Variants in ANKHD1 observed in about 807,000 individuals in gnomAD.
The protein encoded by ANKHD1 is ankyrin repeat and KH domain-containing protein 1.
In ANKHD1, 31 loss-of-function variants were observed where a neutral mutation model predicts 230.5. The observed-to-expected ratio is 0.13, with a 90% confidence interval of 0.10 to 0.18. The LOEUF (loss-of-function observed/expected upper bound fraction) is 0.18. ANKHD1 is among the 10% of genes least tolerant of loss of function. ANKHD1 has a pLI of 1.00. For missense variants in ANKHD1, 2,256 were observed against 3,071.3 expected, an observed-to-expected ratio of 0.73 and a Z score of 6.27; for synonymous variants, 1,074 against 1,117.6, an observed-to-expected ratio of 0.96 and a Z score of 0.78.
rs150428611 is a variant in ANKHD1, at chr5:140,535,433, A to G, written c.6922A>G (p.Ile2308Val). 3.7e-6 allele frequency: 6 copies of G among 1,613,718 alleles called. No homozygotes were observed. In the African/African-American group the frequency reaches 6.7e-5, roughly 18 times the overall value. Reference sequence around the variant, plus strand: ...TGCTCCTCTGGCAAGTTTTTCCGGCATACCAGGAACAAGGGTTTTCCTGCA... The same window carrying G: ...TGCTCCTCTGGCAAGTTTTTCCGGCGTACCAGGAACAAGGGTTTTCCTGCA... ...SSAPLASFSG[I>V]PGTRVFLQGP... The change falls in exon 30 of 34, where the codon ATA becomes GTA. Residue 2308 changes from isoleucine to valine, a missense_variant. Ile to Val is a conservative substitution (Grantham distance 29). Around this residue, in one of 13 missense-constraint regions of ANKHD1, gnomAD observed 778 missense variants for 966.5 expected, o/e 0.80. Transcript: ENST00000360839.
In ANKHD1 at chr5:140,440,202, A is replaced by G. The variant is rs144877846; in HGVS notation, c.701A>G (p.His234Arg). ...GATGAAGGCAGAAGTGTAAATGAAC[A>G]TACAGAAGAAGGAGAAAGCCTGCTG... ...LLDEGRSVNE[H>R]TEEGESLLCL... Residue 234 changes from histidine (H) to arginine (R), a missense_variant, in exon 4 of 34, where the codon CAT (histidine) becomes CGT (arginine). Transcript: ENST00000360839. 13 of 1,613,632 alleles carry G rather than the reference A, an allele frequency of 8.1e-6. No homozygotes were observed. Among genetic ancestry groups the G allele is most frequent in the African/African-American group, 4.0e-5 (3 of 74,920 alleles).
intron 1 of ANKHD1, among the ~76,000 whole-genome samples, chr5:140,433,867 A>G (rs1019882454): frequency 1.3e-5 from 2 of 152,268 alleles, no homozygotes; most frequent in African/African-American, 4.8e-5. Context: ...GCAGGTATGT[A>G]TATCTGCAAA....
At chr5:140,449,187 A>C in intron 6 of ANKHD1, 24 bp from the exon 7 acceptor site, 1 of 1,582,270 alleles carries the variant, frequency 6.3e-7, no homozygotes, top group Non-Finnish European at 8.6e-7. Context: ...GAATTCTTTT[A>C]AAATTTTTGT....
At chr5:140,451,561 G>A (rs1000296655) in intron 7 of ANKHD1, among the ~76,000 whole-genome samples, 1 of 152,118 alleles carries the variant, frequency 6.6e-6, no homozygotes, top group African/African-American at 2.4e-5. Context: ...CAGGCTGGGT[G>A]CAGTGGCGTG....
chr5:140,511,921 A>G (rs1437514994), intron 22 of ANKHD1, among the ~76,000 whole-genome samples: 1 of 152,194 alleles, frequency 6.6e-6, no homozygotes, highest in African/African-American at 2.4e-5. Flanking sequence ...AAGGGAAACT[A>G]TGCAAGCTTG....
intron 18 of ANKHD1, 82 bp downstream of exon 18, chr5:140,505,951 A>G: frequency 6.7e-7 from 1 of 1,503,244 alleles, no homozygotes; most frequent in East Asian, 2.4e-5. Flanking sequence ...TAGCTACATG[A>G]ATAAAATTTG....
At chr5:140,458,494 G>A (rs1775389575) in intron 7 of ANKHD1, 131 bp from the exon 8 acceptor site, 1 of 876,844 alleles carries the variant, frequency 1.1e-6, no homozygotes, top group East Asian at 2.7e-5. Flanking sequence ...TATATATGCT[G>A]TCTATGCTGA....
At chr5:140,402,989 T>C (rs1373171256) in intron 1 of ANKHD1, among the ~76,000 whole-genome samples, 3 of 147,082 alleles carry the variant, frequency 2.0e-5, no homozygotes, top group African/African-American at 7.7e-5. Context: ...TTTTTTTTTT[T>C]TGAGATGGAG....
chr5:140,494,473 C>T (rs1226934745), intron 14 of ANKHD1, among the ~76,000 whole-genome samples: 1 of 152,012 alleles, frequency 6.6e-6, no homozygotes, highest in African/African-American at 2.4e-5. Flanking sequence ...TGAATATAGA[C>T]AGTGTACTTT....
chr5:140,454,166 T>C (rs62385226), intron 7 of ANKHD1, among the ~76,000 whole-genome samples: 1 of 152,178 alleles, frequency 6.6e-6, no homozygotes, highest in East Asian at 1.9e-4. Flanking sequence ...GCTAACTATC[T>C]TAAATATATA....
At chr5:140,446,204 G>A (rs1774266834) in intron 6 of ANKHD1, among the ~76,000 whole-genome samples, 1 of 152,008 alleles carries the variant, frequency 6.6e-6, no homozygotes. Flanking sequence ...TAACTGTGAA[G>A]TTAACCCAAC....
chr5:140,504,523 A>C (rs1331708652), intron 15 of ANKHD1, among the ~76,000 whole-genome samples: 1 of 152,232 alleles, frequency 6.6e-6, no homozygotes, highest in East Asian at 1.9e-4. Flanking sequence ...TGCTGTGTTA[A>C]GTATTTTATC....
At chr5:140,509,985 C>T in intron 21 of ANKHD1, 34 bp from the exon 22 acceptor site, 3 of 1,567,782 alleles carry the variant, frequency 1.9e-6, no homozygotes, top group South Asian at 1.2e-5. Context: ...CCTCTTCTTA[C>T]AGGAAACAAA....
At chr5:140,490,416 G>A (rs1007765974) in intron 14 of ANKHD1, among the ~76,000 whole-genome samples, 2 of 151,956 alleles carry the variant, frequency 1.3e-5, no homozygotes, top group African/African-American at 4.8e-5. Flanking sequence ...TACAGGCTCC[G>A]TCCATCTTGA....
intron 14 of ANKHD1, among the ~76,000 whole-genome samples, chr5:140,491,568 T>G (rs1581332388): frequency 6.6e-6 from 1 of 152,178 alleles, no homozygotes. Flanking sequence ...TATCCACCTA[T>G]CTCTAGATTG....
intron 7 of ANKHD1, among the ~76,000 whole-genome samples, chr5:140,456,540 C>T (rs963550155): frequency 2.0e-5 from 3 of 152,084 alleles, no homozygotes; most frequent in African/African-American, 7.2e-5. Flanking sequence ...AGAACAGAGC[C>T]CTCAGAAATA....
At chr5:140,435,867 C>T (rs756415329) in intron 1 of ANKHD1, among the ~76,000 whole-genome samples, 6 of 152,144 alleles carry the variant, frequency 3.9e-5, no homozygotes, top group Non-Finnish European at 7.3e-5. Context: ...GTATTAGTCA[C>T]AGAATATACA....
chr5:140,487,534 A>C (rs956773278), intron 14 of ANKHD1, among the ~76,000 whole-genome samples: 1 of 152,238 alleles, frequency 6.6e-6, no homozygotes, highest in Non-Finnish European at 1.5e-5. Flanking sequence ...ATCTGTCACT[A>C]TGTGAACCTG....
intron 24 of ANKHD1, among the ~76,000 whole-genome samples, chr5:140,518,768 T>A (rs1015845455): frequency 7.2e-5 from 11 of 152,090 alleles, no homozygotes; most frequent in Non-Finnish European, 1.3e-4. Flanking sequence ...ATAAATTAGG[T>A]ATTGATGGGA....
Sources: gnomAD v4.1 joint callset for allele counts (sites outside exome capture counted in the v4.1 genomes callset) on GRCh38, gnomAD v4.1.1 for gene constraint, gnomAD v4.1.1 regional missense constraint, MANE v1.5 for transcripts, NCBI Gene and HGNC (gene_info 2026-07-23, HGNC 2026-07-21) for gene names.